Variants in KCNMB2 observed in about 807,000 individuals in gnomAD.
The protein encoded by KCNMB2 is calcium-activated potassium channel subunit beta-2.
A neutral mutation model predicts 24.5 loss-of-function variants in KCNMB2; 9 were observed. That is an observed-to-expected ratio of 0.37 (90% CI 0.22 to 0.64). The LOEUF is 0.64. Among genes scored for constraint, KCNMB2 ranks in the 30% least tolerant of loss-of-function variants. KCNMB2 has a pLI of 0.63. For synonymous variants in KCNMB2, 109 were observed against 104.4 expected (o/e 1.04, Z -0.27); for missense variants, 226 against 284.3 (o/e 0.79, Z 1.47).
chr3:178,676,481 C>T (rs1721074773), intron 1 of KCNMB2, among the ~76,000 whole-genome samples: 2 of 152,180 alleles, frequency 1.3e-5, no homozygotes, highest in South Asian at 2.1e-4. Context: ...CCTCCTCAGC[C>T]ATTTTTCTCC....
At chr3:178,621,536 T>G (rs565020618) in intron 1 of KCNMB2, among the ~76,000 whole-genome samples, 108 of 152,278 alleles carry the variant, frequency 7.1e-4, no homozygotes, top group Non-Finnish European at 1.1e-3. Context: ...GCTTAAATAT[T>G]TTTCCAGGAC....
intron 1 of KCNMB2, among the ~76,000 whole-genome samples, chr3:178,579,304 A>G (rs2108487592): frequency 6.6e-6 from 1 of 152,344 alleles, no homozygotes; most frequent in African/African-American, 2.4e-5. Flanking sequence ...AAAAATAAGT[A>G]AGTTCTTTGA....
intron 1 of KCNMB2, among the ~76,000 whole-genome samples, chr3:178,653,309 A>G (rs1720198782): frequency 6.6e-6 from 1 of 152,170 alleles, no homozygotes. Context: ...CTAAACATTC[A>G]TATTAGTTTT....
At chr3:178,661,148 C>T (rs1370022476) in intron 1 of KCNMB2, among the ~76,000 whole-genome samples, 2 of 151,846 alleles carry the variant, frequency 1.3e-5, no homozygotes, top group Non-Finnish European at 2.9e-5. Flanking sequence ...GCCCCCCACC[C>T]TCCGACAGGC....
chr3:178,594,039 C>T (rs1268039468), intron 1 of KCNMB2, among the ~76,000 whole-genome samples: 1 of 151,638 alleles, frequency 6.6e-6, no homozygotes, highest in Non-Finnish European at 1.5e-5. Context: ...TGCCCTCTTC[C>T]CTCCCTCCCT....
At position 178,713,973 on chromosome 3, in the gene KCNMB2, T is replaced by C. The variant is rs28641583; in HGVS notation, c.-67-93370T>C. Among the ~76,000 whole-genome samples the C allele has an allele frequency of 8.4e-3, 1,281 of 152,328 alleles. 15 individuals are homozygous for C. The highest frequency in any genetic ancestry group is 0.029 in the African/African-American group (1,218 of 41,568). Reference sequence around the variant, plus strand: ...CTGCTCATGTTTTTAAGAAAAATTCTGCTTGCATATAAAAATATTATCATT... The same window carrying C: ...CTGCTCATGTTTTTAAGAAAAATTCCGCTTGCATATAAAAATATTATCATT... On this transcript the variant is annotated intron_variant, in intron 1 of 4. Coordinates refer to ENST00000452583, the MANE Select transcript of KCNMB2 (RefSeq NM_181361.3).
intron 1 of KCNMB2, among the ~76,000 whole-genome samples, chr3:178,591,187 A>T (rs1011248823): frequency 7.9e-5 from 12 of 151,126 alleles, no homozygotes; most frequent in Non-Finnish European, 1.3e-4. Context: ...GAGGACTCCA[A>T]TGGAAAAAAA....
At chr3:178,589,179 T>C (rs1235765755) in intron 1 of KCNMB2, among the ~76,000 whole-genome samples, 1 of 152,224 alleles carries the variant, frequency 6.6e-6, no homozygotes, top group African/African-American at 2.4e-5. Flanking sequence ...CCCAGCGTTC[T>C]AACAGCTCAG....
At chr3:178,759,818 A>G (rs1441133054) in intron 1 of KCNMB2, among the ~76,000 whole-genome samples, 1 of 33,568 alleles carries the variant, frequency 3.0e-5, no homozygotes, top group South Asian at 2.2e-3. Context: ...ATATCTATAT[A>G]TATATATATC....
chr3:178,764,781 A>G (rs371698416), intron 1 of KCNMB2, among the ~76,000 whole-genome samples: 22 of 152,334 alleles, frequency 1.4e-4, no homozygotes, highest in East Asian at 1.2e-3. Flanking sequence ...ACCCAGAGTG[A>G]CATGCATATA....
chr3:178,599,665 A>T (rs1718008187), intron 1 of KCNMB2, among the ~76,000 whole-genome samples: 1 of 152,168 alleles, frequency 6.6e-6, no homozygotes, highest in Non-Finnish European at 1.5e-5. Context: ...ATACAGTTCA[A>T]TAGTATTAAG....
At chr3:178,721,332 G>A (rs6443568) in intron 1 of KCNMB2, among the ~76,000 whole-genome samples, 72,216 of 151,838 alleles carry the variant, frequency 0.48, 17,474 homozygotes, top group African/African-American at 0.57. Flanking sequence ...CCATTGATCT[G>A]TATCTCTGTT....
intron 1 of KCNMB2, among the ~76,000 whole-genome samples, chr3:178,735,260 T>A (rs1265087507): frequency 6.6e-6 from 1 of 152,194 alleles, no homozygotes; most frequent in Non-Finnish European, 1.5e-5. Context: ...TGGTCAGAAC[T>A]AAGGCAGGAC....
chr3:178,681,763 A>G (rs13100616), intron 1 of KCNMB2, among the ~76,000 whole-genome samples: 49,641 of 152,042 alleles, frequency 0.33, 8,809 homozygotes, highest in African/African-American at 0.47. Flanking sequence ...GTAGACAAAG[A>G]ACTAGAAAAT....
intron 1 of KCNMB2, among the ~76,000 whole-genome samples, chr3:178,666,010 G>A (rs1207270902): frequency 1.3e-5 from 2 of 152,124 alleles, no homozygotes; most frequent in East Asian, 3.9e-4. Context: ...CTGGTCACAT[G>A]AGGCAACTTT....
intron 1 of KCNMB2, among the ~76,000 whole-genome samples, chr3:178,790,663 G>A (rs946827149): frequency 4.6e-5 from 7 of 152,222 alleles, no homozygotes; most frequent in African/African-American, 1.4e-4. Context: ...AAATAGTGCT[G>A]TGCTGGCTTT....
chr3:178,712,182 T>TC (rs34898987), intron 1 of KCNMB2, among the ~76,000 whole-genome samples: 1 of 152,194 alleles, frequency 6.6e-6, no homozygotes, highest in Non-Finnish European at 1.5e-5. Flanking sequence ...ATCACTTTTT[T>TC]CCCAACAGAA....
At chr3:178,586,523 C>CT (rs1160913551) in intron 1 of KCNMB2, among the ~76,000 whole-genome samples, 93 of 61,774 alleles carry the variant, frequency 1.5e-3, no homozygotes, top group Non-Finnish European at 2.7e-3. Flanking sequence ...ATTTTCTTTT[C>CT]TTTTTTTTTT....
At chr3:178,759,309 C>G (rs573717001) in intron 1 of KCNMB2, among the ~76,000 whole-genome samples, 9 of 96,598 alleles carry the variant, frequency 9.3e-5, no homozygotes, top group African/African-American at 3.9e-4. Flanking sequence ...ATATATATCT[C>G]CAAGAGGATA....
Sources: gnomAD v4.1 joint callset for allele counts (sites outside exome capture counted in the v4.1 genomes callset) on GRCh38, gnomAD v4.1.1 for gene constraint, MANE v1.5 for transcripts, NCBI Gene and HGNC (gene_info 2026-07-23, HGNC 2026-07-21) for gene names.